VGLL4: variants seen among roughly 807,000 people sequenced by gnomAD.
VGLL4 encodes the protein transcription cofactor vestigial-like protein 4.
In VGLL4, 7 loss-of-function variants were observed where a neutral mutation model predicts 21.0. The observed-to-expected ratio is 0.33, with a 90% CI of 0.19 to 0.63. The LOEUF (loss-of-function observed/expected upper bound fraction) is 0.63. VGLL4 is among the 20% of genes least tolerant of loss of function. The probability of loss-of-function intolerance (pLI) is 0.78; values close to 1 mark genes in which losing one functional copy is unlikely to be tolerated. For missense variants in VGLL4, 394 were observed against 425.7 expected (o/e 0.93, Z 0.66); for synonymous variants, 222 against 173.2 (o/e 1.28, Z -2.21).
At chr3:11,670,298 C>T (rs2076187250) in intron 2 of VGLL4, among the ~76,000 whole-genome samples, 1 of 152,112 alleles carries the variant, frequency 6.6e-6, no homozygotes, top group African/African-American at 2.4e-5. Flanking sequence ...GTTGGAAAAC[C>T]TTTGTCCTAA....
intron 1 of VGLL4, among the ~76,000 whole-genome samples, chr3:11,617,271 C>T (rs1041729793): frequency 1.3e-5 from 2 of 152,038 alleles, no homozygotes; most frequent in Non-Finnish European, 2.9e-5. Context: ...CATCTTTGTG[C>T]GAGAGCAATG....
chr3:11,588,372 G>A (rs967160331), intron 2 of VGLL4, among the ~76,000 whole-genome samples: 3 of 152,230 alleles, frequency 2.0e-5, no homozygotes, highest in Non-Finnish European at 2.9e-5. Context: ...CCACTTGCCA[G>A]AGGAGGTGGC....
intron 2 of VGLL4, among the ~76,000 whole-genome samples, chr3:11,586,337 T>A (rs996363287): frequency 1.2e-4 from 19 of 152,144 alleles, no homozygotes; most frequent in Non-Finnish European, 2.8e-4. Flanking sequence ...ATAAAAAGTA[T>A]CTATGGTGAG....
intron 2 of VGLL4, among the ~76,000 whole-genome samples, chr3:11,577,571 C>A (rs2074091502): frequency 6.6e-6 from 1 of 152,128 alleles, no homozygotes; most frequent in Admixed American, 6.5e-5. Context: ...CCAGTCTGAA[C>A]AACAGAGCAA....
intron 1 of VGLL4, among the ~76,000 whole-genome samples, chr3:11,620,939 G>A (rs936745873): frequency 5.9e-5 from 9 of 152,308 alleles, no homozygotes; most frequent in African/African-American, 2.2e-4. Flanking sequence ...AGGGCCCTGG[G>A]TGGGGTGTCC....
intron 1 of VGLL4, among the ~76,000 whole-genome samples, chr3:11,623,322 ATATATACTCAGGGGAT>A (rs2075298787): frequency 2.6e-5 from 4 of 152,216 alleles, no homozygotes; most frequent in Admixed American, 2.0e-4. Flanking sequence ...ATCCTTTGGT[ATATATACTCAGGGGAT>A]TGGTTCCAGG....
At chr3:11,615,121 A>G in intron 1 of VGLL4, among the ~76,000 whole-genome samples, 1 of 152,202 alleles carries the variant, frequency 6.6e-6, no homozygotes, top group East Asian at 1.9e-4. Flanking sequence ...CAGAGCCACA[A>G]TACCATTATC....
At position 11,557,794 on chromosome 3, in the gene VGLL4, A is replaced by G. The variant is rs1307400840; in HGVS notation, c.*762T>C. ...CTCCAACCTCAGCTCTAGTCTAACA[A>G]ACTGCAGTGTTCAGAGAAGATAAAA... On this transcript the variant is annotated 3_prime_UTR_variant, in exon 5 of 5. Coordinates refer to ENST00000430365, the MANE Select transcript of VGLL4 (RefSeq NM_001128219.3). 1.3e-5 allele frequency: 2 copies of G among 152,662 alleles called. No individual in the cohort carries two copies. Among genetic ancestry groups the G allele is most frequent in the Non-Finnish European group, 2.9e-5 (2 of 68,054 alleles). The allele number at this position is 152,662 out of a possible 1,614,324, so 9.5% of individuals were successfully genotyped here. A position where few individuals can be genotyped will look rare whatever the true frequency, so the allele number is the denominator to read the frequency against.
At chr3:11,689,494 C>G (rs936303881) in intron 2 of VGLL4, among the ~76,000 whole-genome samples, 1 of 152,154 alleles carries the variant, frequency 6.6e-6, no homozygotes, top group African/African-American at 2.4e-5. Flanking sequence ...TCTAAAAGAT[C>G]TTTTTTCACA....
intron 2 of VGLL4, among the ~76,000 whole-genome samples, chr3:11,650,718 AACACACACAC>A (rs10539636): frequency 1.7e-4 from 25 of 147,624 alleles, no homozygotes; most frequent in African/African-American, 2.7e-4. Flanking sequence ...ACACATAGAA[AACACACACAC>A]ACACACACAC....
chr3:11,715,824 C>G (rs2076911704), intron 1 of VGLL4, among the ~76,000 whole-genome samples: 1 of 152,140 alleles, frequency 6.6e-6, no homozygotes. Context: ...TTATTTAATA[C>G]CTATTGTTGA....
rs1218399015 is a variant in VGLL4, at chr3:11,568,214, G to C, written c.273-3195C>G. ...TGCCCATGTCCAAAGCCAAAGTCGT[G>C]GTACATAAGGCACTGCCCACCCCTC... On this transcript the variant is annotated intron_variant, in intron 2 of 4. Coordinates refer to ENST00000430365, the MANE Select transcript of VGLL4 (RefSeq NM_001128219.3). The surrounding 1 kb of genome is among the most constrained non-coding windows in gnomAD (Gnocchi z 5.9). Among the ~76,000 whole-genome samples the C allele has an allele frequency of 6.6e-6, 1 of 152,182 alleles. No individual in the cohort carries two copies. The highest frequency in any genetic ancestry group is 1.5e-5 in the Non-Finnish European group (1 of 68,032).
intron 2 of VGLL4, among the ~76,000 whole-genome samples, chr3:11,692,673 A>G (rs76709892): frequency 0.032 from 4,622 of 145,288 alleles, 235 homozygotes; most frequent in East Asian, 0.2. Context: ...CCCAGCAGCA[A>G]CGCACAATTC....
At chr3:11,582,492 C>T in intron 2 of VGLL4, 1 of 885,338 alleles carries the variant, frequency 1.1e-6, no homozygotes, top group Non-Finnish European at 1.7e-6. Context: ...CCTATGGGTC[C>T]TGGGGTAGGT....
At chr3:11,613,471 T>C (rs1224403398) in intron 1 of VGLL4, among the ~76,000 whole-genome samples, 1 of 152,144 alleles carries the variant, frequency 6.6e-6, no homozygotes, top group Non-Finnish European at 1.5e-5. Context: ...GCCTCTAGAA[T>C]GGCCCTGCCC....
chr3:11,715,028 G>A (rs980686764), intron 1 of VGLL4, among the ~76,000 whole-genome samples: 2 of 151,838 alleles, frequency 1.3e-5, no homozygotes, highest in Non-Finnish European at 2.9e-5. Flanking sequence ...CCAGCTACTC[G>A]AGAGGCTGAG....
At chr3:11,609,324 A>G (rs2075011593) in intron 1 of VGLL4, among the ~76,000 whole-genome samples, 1 of 152,242 alleles carries the variant, frequency 6.6e-6, no homozygotes, top group African/African-American at 2.4e-5. Flanking sequence ...CCAAACTTTT[A>G]CAGAACACAC....
chr3:11,710,455 T>G (rs1021977894), intron 1 of VGLL4: 3 of 152,148 alleles, frequency 2.0e-5, no homozygotes, highest in African/African-American at 7.2e-5. Context: ...TACGAGAACA[T>G]GGAGCAACTA....
chr3:11,688,379 A>G (rs1038962094), intron 2 of VGLL4, among the ~76,000 whole-genome samples: 8 of 152,204 alleles, frequency 5.3e-5, no homozygotes, highest in African/African-American at 1.9e-4. Context: ...AAATTCACCT[A>G]TAAAACCATA....
Sources: gnomAD v4.1 joint callset for allele counts (sites outside exome capture counted in the v4.1 genomes callset) on GRCh38, gnomAD v4.1.1 for gene constraint, Gnocchi (gnomAD v3.1) non-coding constraint, MANE v1.5 for transcripts, NCBI Gene and HGNC (gene_info 2026-07-23, HGNC 2026-07-21) for gene names.